Variants in KCNMA1 observed in about 807,000 individuals in gnomAD.
KCNMA1 encodes potassium calcium-activated channel subfamily M alpha 1, also known as Calcium-activated potassium channel subunit alpha-1.
KCNMA1 carries 29 observed loss-of-function variants against 140.0 expected under a neutral mutation model. That is an observed-to-expected ratio of 0.21 (90% CI 0.15 to 0.28). KCNMA1 has a LOEUF of 0.28. Among genes scored for constraint, KCNMA1 ranks in the 10% least tolerant of loss-of-function variants. KCNMA1 has a pLI of 1.00. For missense variants in KCNMA1, 880 were observed against 1,602.2 expected (o/e 0.55, Z 7.70); for synonymous variants, 612 against 611.9 (o/e 1.00, Z 0.00).
At chr10:77,319,273 C>T (rs778693004) in intron 2 of KCNMA1, among the ~76,000 whole-genome samples, 1 of 152,138 alleles carries the variant, frequency 6.6e-6, no homozygotes, top group Non-Finnish European at 1.5e-5. Flanking sequence ...CCCATCACCA[C>T]CCCATGCCAT....
Position 77,281,641 on chromosome 10 carries a change from G to A in KCNMA1, c.541-30385C>T, listed in dbSNP as rs188963760. Among the ~76,000 whole-genome samples the A allele has an allele frequency of 1.4e-3, 219 of 152,222 alleles. 4 individuals are homozygous for A. Among genetic ancestry groups the A allele is most frequent in the Admixed American group, 9.4e-3 (143 of 15,290 alleles). On this transcript the variant is annotated intron_variant, in intron 2 of 27. Coordinates refer to ENST00000286628, the MANE Select transcript of KCNMA1 (RefSeq NM_001161352.2). ...GGCACCCTGCTCCAGCCATGCCTGG[G>A]AACCGGTGACTGCCTTATGATGGGA...
intron 17 of KCNMA1, chr10:77,012,430 C>A: frequency 6.5e-7 from 1 of 1,548,376 alleles, no homozygotes; most frequent in South Asian, 1.2e-5. Flanking sequence ...CCAAAATTCC[C>A]ACAGTCTGGT....
At chr10:77,053,064 C>A (rs1436873798) in intron 14 of KCNMA1, among the ~76,000 whole-genome samples, 1 of 152,118 alleles carries the variant, frequency 6.6e-6, no homozygotes, top group African/African-American at 2.4e-5. Flanking sequence ...AGTTCAGCAT[C>A]CCCAGAAAAC....
intron 1 of KCNMA1, among the ~76,000 whole-genome samples, chr10:77,493,626 C>T (rs921502831): frequency 7.9e-5 from 12 of 152,240 alleles, no homozygotes; most frequent in African/African-American, 1.9e-4. Flanking sequence ...TTTAACACCA[C>T]GTCAATCAAT....
At chr10:77,440,416 G>A (rs769756973) in intron 1 of KCNMA1, among the ~76,000 whole-genome samples, 17 of 152,144 alleles carry the variant, frequency 1.1e-4, no homozygotes, top group Non-Finnish European at 2.5e-4. Flanking sequence ...GGTGAAACAT[G>A]GGCAACAGTT....
chr10:77,637,252 G>C lies in KCNMA1; in HGVS notation c.378+13C>G, dbSNP rs199920597. 4 of 1,594,552 alleles carry C rather than the reference G, an allele frequency of 2.5e-6. No homozygotes were observed. The highest frequency in any genetic ancestry group is 1.7e-4 in the Middle Eastern group (1 of 5,956). On this transcript the variant is annotated intron_variant, in intron 1 of 27. Coordinates refer to ENST00000286628, the MANE Select transcript of KCNMA1 (RefSeq NM_001161352.2). ...GGCTGGCGCAGAGGGCGGGCGCCCG[G>C]GGCGCGCGTTACCTTCGTCTTGCCC...
chr10:77,062,963 C>T lies in KCNMA1; in HGVS notation c.1749+10134G>A, dbSNP rs546439567. Among the ~76,000 whole-genome samples, 14 of 152,276 alleles carry T rather than the reference C, an allele frequency of 9.2e-5. No individual in the cohort carries two copies. In the South Asian group the frequency reaches 2.9e-3, roughly 32 times the overall value. On this transcript the variant is annotated intron_variant, in intron 14 of 27. Coordinates refer to ENST00000286628, the MANE Select transcript of KCNMA1 (RefSeq NM_001161352.2). ...AGCCATGCAACCAGAAGTCATCTTC[C>T]GATTTCCTCCTCCCAAAGAGCTATG...
In KCNMA1 at chr10:77,325,030, A is replaced by T. The variant is rs113801284; in HGVS notation, c.541-73774T>A. ...GTGTGTGTCAGAGAAAGAGAGTGAG[A>T]TTGATTTTTTATTTTGAACTGACTA... On this transcript the variant is annotated intron_variant, in intron 2 of 27. Transcript: ENST00000286628. Among the ~76,000 whole-genome samples the T allele has an allele frequency of 4.5e-3, 676 of 148,870 alleles. 6 individuals are homozygous for T. Among genetic ancestry groups the T allele is most frequent in the African/African-American group, 0.016 (638 of 40,340 alleles).
intron 1 of KCNMA1, among the ~76,000 whole-genome samples, chr10:77,564,691 C>T (rs1351938141): frequency 6.6e-6 from 1 of 152,184 alleles, no homozygotes; most frequent in Non-Finnish European, 1.5e-5. Context: ...TCAGCCTTCG[C>T]AGCTTCCTCC....
intron 1 of KCNMA1, among the ~76,000 whole-genome samples, chr10:77,513,824 G>A (rs1383829319): frequency 6.6e-6 from 1 of 152,212 alleles, no homozygotes; most frequent in East Asian, 1.9e-4. Context: ...CTGGAGCCAG[G>A]CAGTAGAACA....
intron 1 of KCNMA1, among the ~76,000 whole-genome samples, chr10:77,551,908 CAGATGGTTAG>C (rs894439900): frequency 6.6e-6 from 1 of 152,124 alleles, no homozygotes; most frequent in African/African-American, 2.4e-5. Context: ...TCTAAGCTTA[CAGATGGTTAG>C]AACAGACCAG....
At chr10:77,427,748 T>C (rs2097054271) in intron 1 of KCNMA1, among the ~76,000 whole-genome samples, 1 of 151,490 alleles carries the variant, frequency 6.6e-6, no homozygotes. Flanking sequence ...TTTATTTATT[T>C]ATTTATTTAT....
intron 23 of KCNMA1, among the ~76,000 whole-genome samples, chr10:76,940,552 G>C (rs1473106816): frequency 1.3e-5 from 2 of 152,190 alleles, no homozygotes; most frequent in Non-Finnish European, 2.9e-5. Context: ...TAGAGACATG[G>C]AGACAGTTCT....
intron 1 of KCNMA1, among the ~76,000 whole-genome samples, chr10:77,424,394 A>G (rs1377973777): frequency 6.6e-6 from 1 of 152,210 alleles, no homozygotes; most frequent in Non-Finnish European, 1.5e-5. Context: ...AGGTCAAGGC[A>G]CCTGCCCACA....
chr10:76,916,636 A>G (rs1218502028), intron 23 of KCNMA1, among the ~76,000 whole-genome samples: 2 of 152,162 alleles, frequency 1.3e-5, no homozygotes, highest in African/African-American at 4.8e-5. Flanking sequence ...GACTTTTAGG[A>G]ACAAAGTCAC....
At chr10:77,217,339 A>T (rs954763817) in intron 3 of KCNMA1, 11 of 291,598 alleles carry the variant, frequency 3.8e-5, no homozygotes, top group Admixed American at 3.0e-4. Flanking sequence ...AAAAAACTAA[A>T]TTTTTTTCTA....
chr10:77,185,329 C>T (rs1009931806), intron 3 of KCNMA1, among the ~76,000 whole-genome samples: 1 of 152,094 alleles, frequency 6.6e-6, no homozygotes, highest in Non-Finnish European at 1.5e-5. Context: ...CACAGTTCCT[C>T]ATGCCCTCCA....
intron 1 of KCNMA1, among the ~76,000 whole-genome samples, chr10:77,446,494 C>A (rs1377576748): frequency 6.6e-6 from 1 of 152,210 alleles, no homozygotes; most frequent in Non-Finnish European, 1.5e-5. Flanking sequence ...AATGAAAGGG[C>A]CCAGGGAGAT....
chr10:77,039,228 T>TAA, intron 15 of KCNMA1: 1 of 471,600 alleles, frequency 2.1e-6, no homozygotes, highest in East Asian at 4.1e-5. Context: ...CCACTCTTCA[T>TAA]AAATGTGTCT....
Sources: allele counts gnomAD v4.1 joint callset (sites outside exome capture counted in the v4.1 genomes callset), GRCh38; gene constraint gnomAD v4.1.1; transcripts MANE v1.5; gene names NCBI Gene and HGNC (gene_info 2026-07-23, HGNC 2026-07-21).